RSBN1L: variants seen among roughly 807,000 people sequenced by gnomAD.
RSBN1L encodes the protein lysine-specific demethylase RSBN1L.
Under a neutral mutation model 67.7 loss-of-function variants are expected in RSBN1L, and 30 were observed. The ratio of observed to expected loss-of-function variants is 0.44; its 90% CI spans 0.33 to 0.60. The LOEUF is 0.60. Ranked by LOEUF, RSBN1L falls within the 20% of genes least tolerant of loss-of-function variation. The pLI, the probability that RSBN1L is intolerant of heterozygous loss-of-function variation, is 0.02. For missense variants in RSBN1L, 992 were observed against 1,031.7 expected (o/e 0.96, Z 0.53); for synonymous variants, 433 against 387.0 (o/e 1.12, Z -1.39).
chr7:77,748,067 C>T (rs1045426954), intron 2 of RSBN1L, among the ~76,000 whole-genome samples: 3 of 151,850 alleles, frequency 2.0e-5, no homozygotes, highest in African/African-American at 7.3e-5. Flanking sequence ...TTCAGTTTGA[C>T]CAGAGTATGA....
At chr7:77,736,572 A>T in intron 2 of RSBN1L, 46 bp downstream of exon 2, 1 of 1,082,154 alleles carries the variant, frequency 9.2e-7, no homozygotes, top group African/African-American at 1.7e-5. Context: ...TATACTGTTC[A>T]GTATCTTTAT....
Position 77,736,479 on chromosome 7 carries a change from T to A in RSBN1L, c.656T>A (p.Met219Lys). The A allele has an allele frequency of 8.0e-7, 1 of 1,247,168 alleles. No individual in the cohort carries two copies. Among genetic ancestry groups the A allele is most frequent in the Non-Finnish European group, 1.1e-6 (1 of 896,340 alleles). 77.3% of individuals were successfully genotyped at this position (1,247,168 alleles called of 1,614,324 possible). A position where few individuals can be genotyped will look rare whatever the true frequency, so the allele number is the denominator to read the frequency against. ...AGAGAAAAAAAGAAACATAAAGTAA[T>A]GAATGAGATCAAGAAAGAGAATGGA... ...KEREKKKHKV[M>K]NEIKKENGEV... The change falls in exon 2 of 8, where the codon ATG (methionine) becomes AAG (lysine). Residue 219 changes from methionine (M) to lysine (K), a missense_variant. Coordinates refer to ENST00000334955, the MANE Select transcript of RSBN1L (RefSeq NM_198467.3).
Position 77,779,385 on chromosome 7 carries a change from C to A in RSBN1L, c.*217C>A. On this transcript the variant is annotated 3_prime_UTR_variant, in exon 8 of 8. Coordinates refer to ENST00000334955, the MANE Select transcript of RSBN1L (RefSeq NM_198467.3). ...ATTGCAGGTTTAAACATAAAGGAGT[C>A]TTTAAAAAAAAATCATTTACGTTGG... 3.2e-6 allele frequency: 1 copy of A among 312,878 alleles called. No individual in the cohort carries two copies. The allele number at this position is 312,878 out of a possible 1,614,324, so 19.4% of individuals were successfully genotyped here. A position where few individuals can be genotyped will look rare whatever the true frequency, so the allele number is the denominator to read the frequency against.
intron 1 of RSBN1L, among the ~76,000 whole-genome samples, chr7:77,700,387 A>C (rs1343649142): frequency 6.6e-6 from 1 of 152,184 alleles, no homozygotes; most frequent in East Asian, 1.9e-4. Flanking sequence ...TTGTTAACTT[A>C]CTTTTTTCCT....
In RSBN1L at chr7:77,780,136, G is replaced by T. The variant is rs923996760; in HGVS notation, c.*968G>T. 6.6e-6 allele frequency: 1 copy of T among 151,858 alleles called. No homozygotes were observed. Among genetic ancestry groups the T allele is most frequent in the Non-Finnish European group, 1.5e-5 (1 of 68,014 alleles). The allele number at this position is 151,858 out of a possible 1,614,324, so 9.4% of individuals were successfully genotyped here. A position where few individuals can be genotyped will look rare whatever the true frequency, so the allele number is the denominator to read the frequency against. On this transcript the variant is annotated 3_prime_UTR_variant, in exon 8 of 8. Coordinates refer to ENST00000334955, the MANE Select transcript of RSBN1L (RefSeq NM_198467.3). ...TGAGCCACAGCGCCCAGCCTATGCA[G>T]GCATTTTTAACAACCAAGACTCAGT...
chr7:77,723,057 T>C (rs1288753245), intron 1 of RSBN1L, among the ~76,000 whole-genome samples: 1 of 148,504 alleles, frequency 6.7e-6, no homozygotes, highest in Non-Finnish European at 1.5e-5. Context: ...AACCTCCGCC[T>C]CCTGGTTCAA....
chr7:77,703,584 G>A (rs1285756959), intron 1 of RSBN1L, among the ~76,000 whole-genome samples: 1 of 130,860 alleles, frequency 7.6e-6, no homozygotes, highest in African/African-American at 2.9e-5. Context: ...TGCCTCCCAA[G>A]TTCAAGCGAT....
At chr7:77,768,616 T>A in intron 4 of RSBN1L, 45 bp from the exon 5 acceptor site, 2 of 1,553,784 alleles carry the variant, frequency 1.3e-6, no homozygotes, top group Non-Finnish European at 1.8e-6. Flanking sequence ...CACTTGAAGA[T>A]ACATTTTGAA....
chr7:77,755,643 G>T (rs922735902), intron 3 of RSBN1L, among the ~76,000 whole-genome samples: 1 of 148,344 alleles, frequency 6.7e-6, no homozygotes, highest in Non-Finnish European at 1.5e-5. Context: ...CTCTAGCTTG[G>T]GTGACAGAGT....
In RSBN1L at chr7:77,696,887, C is replaced by T. The variant is rs1035758053; in HGVS notation, c.418C>T (p.His140Tyr). ...VPPTLLHAQP[H>Y]HLLLPAAAAA... ...TCCTACGCTGCTGCACGCTCAGCCT[C>T]ACCATCTCCTCCTGCCCGCCGCCGC... The change falls in exon 1 of 8, where the codon CAC (histidine) becomes TAC (tyrosine). Residue 140 changes from histidine (H) to tyrosine (Y), a missense_variant. Physicochemically the swap from His to Tyr is moderately conservative, Grantham distance 83 (BLOSUM62 2). Transcript: ENST00000334955. 6.2e-7 allele frequency: 1 copy of T among 1,608,898 alleles called. No individual in the cohort carries two copies.
intron 1 of RSBN1L, among the ~76,000 whole-genome samples, chr7:77,730,206 C>T (rs2150419107): frequency 6.6e-6 from 1 of 152,222 alleles, no homozygotes; most frequent in East Asian, 1.9e-4. Context: ...CTCCCACTCC[C>T]CTTTGTATTT....
At chr7:77,720,246 T>C (rs564546528) in intron 1 of RSBN1L, among the ~76,000 whole-genome samples, 1 of 152,302 alleles carries the variant, frequency 6.6e-6, no homozygotes, top group East Asian at 1.9e-4. Flanking sequence ...TTGGAAATAA[T>C]GCATATGTTG....
intron 1 of RSBN1L, among the ~76,000 whole-genome samples, chr7:77,719,891 A>T (rs1212873843): frequency 6.6e-6 from 1 of 152,140 alleles, no homozygotes; most frequent in Non-Finnish European, 1.5e-5. Flanking sequence ...GAGCCTTCTG[A>T]GTAGCCAGTA....
chr7:77,776,790 A>G (rs1791920167), intron 6 of RSBN1L, among the ~76,000 whole-genome samples: 1 of 151,592 alleles, frequency 6.6e-6, no homozygotes, highest in South Asian at 2.1e-4. Context: ...ACTTATCTGT[A>G]TGTCTATATT....
rs28371450 is a variant in RSBN1L, at chr7:77,708,681, C to T, written c.586+11626C>T. Among the ~76,000 whole-genome samples, 439 of 151,894 alleles carry T rather than the reference C, an allele frequency of 2.9e-3. 2 individuals are homozygous for T. The highest frequency in any genetic ancestry group is 0.01 in the African/African-American group (424 of 41,496). ...ACAGGCGTGAGCCACCGCGCCCAGC[C>T]GAGTTCAGACTATTTTGTGGGCAAC... On this transcript the variant is annotated intron_variant, in intron 1 of 7. Transcript: ENST00000334955.
chr7:77,743,901 T>C (rs1791446597), intron 2 of RSBN1L, among the ~76,000 whole-genome samples: 2 of 152,308 alleles, frequency 1.3e-5, no homozygotes, highest in South Asian at 4.1e-4. Flanking sequence ...TTATTTCATT[T>C]TTTTTGTAGA....
chr7:77,773,284 G>C lies in RSBN1L; in HGVS notation c.1763G>C (p.Gly588Ala). The C allele has an allele frequency of 6.2e-7, 1 of 1,608,196 alleles. No homozygotes were observed. The highest frequency in any genetic ancestry group is 1.3e-5 in the African/African-American group (1 of 74,780). ...GFERQTTAAV[G>A]VLKAVHCGEW... is the part of the protein sequence containing the mutation. ...GAACGACAGACTACAGCTGCTGTTG[G>C]AGTGCTGAAGGCTGTGCACTGTGGA... Residue 588 changes from glycine to alanine, a missense_variant, in exon 6 of 8, where the codon GGA becomes GCA. Coordinates refer to ENST00000334955, the MANE Select transcript of RSBN1L (RefSeq NM_198467.3).
At chr7:77,772,387 T>TGA (rs1458745897) in intron 5 of RSBN1L, among the ~76,000 whole-genome samples, 1 of 152,216 alleles carries the variant, frequency 6.6e-6, no homozygotes, top group Non-Finnish European at 1.5e-5. Context: ...ATGATGACTC[T>TGA]CTGCCAAAGA....
chr7:77,737,062 T>C (rs984727509), intron 2 of RSBN1L, among the ~76,000 whole-genome samples: 7 of 151,966 alleles, frequency 4.6e-5, no homozygotes, highest in Non-Finnish European at 1.0e-4. Context: ...ATTTGCTGTT[T>C]ATATATGAGG....
Sources: allele counts gnomAD v4.1 joint callset (sites outside exome capture counted in the v4.1 genomes callset), GRCh38; gene constraint gnomAD v4.1.1; transcripts MANE v1.5; gene names NCBI Gene and HGNC (gene_info 2026-07-23, HGNC 2026-07-21).